DRD3: variants seen among roughly 807,000 people sequenced by gnomAD.
DRD3 encodes D(3) dopamine receptor.
In DRD3, 19 loss-of-function variants were observed where a neutral mutation model predicts 36.3. The observed-to-expected ratio is 0.52, with a 90% CI of 0.36 to 0.77. The LOEUF (loss-of-function observed/expected upper bound fraction) is 0.77, where lower values mean the gene tolerates loss of function less well. Among genes scored for constraint, DRD3 ranks in the 30% least tolerant of loss-of-function variants. The pLI is 0.00. For synonymous variants in DRD3, 195 were observed against 203.7 expected (o/e 0.96, Z 0.36); for missense variants, 465 against 505.3 (o/e 0.92, Z 0.77).
chr3:114,172,301 A>C (rs1004658449), intron 1 of DRD3, among the ~76,000 whole-genome samples: 5 of 152,242 alleles, frequency 3.3e-5, no homozygotes, highest in African/African-American at 9.6e-5. Context: ...ATTGGAGACA[A>C]ATCAGAGAGG....
At chr3:114,141,841 G>C (rs1414816391) in intron 4 of DRD3, among the ~76,000 whole-genome samples, 2 of 152,008 alleles carry the variant, frequency 1.3e-5, no homozygotes, top group African/African-American at 4.8e-5. Context: ...CACAAGGTCA[G>C]GAGTTCGAGA....
At chr3:114,153,772 C>T (rs1023658088) in intron 3 of DRD3, among the ~76,000 whole-genome samples, 2 of 152,148 alleles carry the variant, frequency 1.3e-5, no homozygotes, top group Non-Finnish European at 2.9e-5. Context: ...TCTTGCACCA[C>T]CCAGTTGTGT....
intron 5 of DRD3, among the ~76,000 whole-genome samples, chr3:114,138,186 A>AAAAG (rs1559982646): frequency 2.0e-5 from 3 of 150,856 alleles, no homozygotes; most frequent in African/African-American, 7.3e-5. Context: ...AAAAAAAAAA[A>AAAAG]AAAGATTATC....
At chr3:114,131,857 T>A (rs772503586) in intron 5 of DRD3, among the ~76,000 whole-genome samples, 6 of 152,182 alleles carry the variant, frequency 3.9e-5, no homozygotes, top group Non-Finnish European at 7.3e-5. Context: ...AAAATGACAA[T>A]GAGATAACAT....
intron 1 of DRD3, among the ~76,000 whole-genome samples, chr3:114,173,437 T>C (rs2107887548): frequency 6.6e-6 from 1 of 152,260 alleles, no homozygotes. Context: ...GGGAATTCTC[T>C]ACCCAACTGC....
intron 6 of DRD3, among the ~76,000 whole-genome samples, chr3:114,129,473 C>G (rs993101037): frequency 1.4e-4 from 22 of 152,218 alleles, no homozygotes; most frequent in African/African-American, 4.6e-4. Context: ...AATCAGTTTT[C>G]TAGTTGGGTC....
chr3:114,133,445 T>C (rs1223880343), intron 5 of DRD3, among the ~76,000 whole-genome samples: 1 of 152,028 alleles, frequency 6.6e-6, no homozygotes, highest in Non-Finnish European at 1.5e-5. Context: ...CGACTGAGGC[T>C]GCCTGATGGC....
intron 1 of DRD3, among the ~76,000 whole-genome samples, chr3:114,190,756 G>A (rs1008740981): frequency 3.3e-5 from 5 of 151,798 alleles, no homozygotes; most frequent in African/African-American, 1.2e-4. Flanking sequence ...TGTTTGGGAG[G>A]GTAGAACATG....
At chr3:114,185,912 G>A (rs182483264) in intron 1 of DRD3, among the ~76,000 whole-genome samples, 17 of 152,094 alleles carry the variant, frequency 1.1e-4, no homozygotes, top group African/African-American at 4.1e-4. Context: ...ATTTTTTGTT[G>A]AAAAACAGAC....
At chr3:114,145,984 AG>A (rs1196804234) in intron 4 of DRD3, among the ~76,000 whole-genome samples, 18 of 152,360 alleles carry the variant, frequency 1.2e-4, no homozygotes, top group African/African-American at 3.6e-4. Flanking sequence ...TTTACCAATG[AG>A]GAACTCAGAG....
intron 1 of DRD3, among the ~76,000 whole-genome samples, chr3:114,175,036 G>A (rs1007221052): frequency 2.0e-5 from 3 of 152,060 alleles, no homozygotes; most frequent in East Asian, 1.9e-4. Flanking sequence ...TGACAATTTG[G>A]GCTGAATAAT....
intron 1 of DRD3, among the ~76,000 whole-genome samples, chr3:114,190,122 A>G: frequency 6.6e-6 from 1 of 152,076 alleles, no homozygotes; most frequent in Non-Finnish European, 1.5e-5. Context: ...TACTTTAGAT[A>G]GAGCCAGTAT....
chr3:114,155,175 T>A (rs1024715319), intron 3 of DRD3, among the ~76,000 whole-genome samples: 1 of 152,264 alleles, frequency 6.6e-6, no homozygotes, highest in African/African-American at 2.4e-5. Context: ...ACCAAAGGTC[T>A]GCGTGAATGA....
upstream of DRD3, among the ~76,000 whole-genome samples, chr3:114,180,364 G>T (rs376536901): frequency 1.3e-5 from 2 of 152,004 alleles, no homozygotes; most frequent in South Asian, 2.1e-4. Flanking sequence ...GACTGTATTT[G>T]GATGTAAGAT....
At chr3:114,186,565 C>T (rs1233954428) in intron 1 of DRD3, among the ~76,000 whole-genome samples, 1 of 152,186 alleles carries the variant, frequency 6.6e-6, no homozygotes, top group Non-Finnish European at 1.5e-5. Context: ...CCATAGTTCC[C>T]CTCTATTTGG....
chr3:114,198,589 T>A (rs1268723599), intron 1 of DRD3, among the ~76,000 whole-genome samples: 1 of 152,052 alleles, frequency 6.6e-6, no homozygotes, highest in Non-Finnish European at 1.5e-5. Flanking sequence ...ATACATAGAT[T>A]ACCATGTTAT....
chr3:114,156,749 TTCTTTCTTTCTTTC>T (rs2077674716), intron 3 of DRD3, among the ~76,000 whole-genome samples: 3 of 100,138 alleles, frequency 3.0e-5, no homozygotes, highest in African/African-American at 1.2e-4. Flanking sequence ...TTCTTTTTCT[TTCTTTCTTTCTTTC>T]TTTCTTTCTT....
At chr3:114,190,706 C>T (rs1350121631) in intron 1 of DRD3, among the ~76,000 whole-genome samples, 1 of 64 alleles carries the variant, frequency 0.016, no homozygotes, top group Non-Finnish European at 0.042. Context: ...TGAGTTTCCA[C>T]TATGTCATGG....
intron 5 of DRD3, 101 bp from the exon 6 acceptor site, chr3:114,131,501 A>G: frequency 6.9e-7 from 1 of 1,457,652 alleles, no homozygotes; most frequent in Non-Finnish European, 9.1e-7. Context: ...GAAGACGGCA[A>G]CACAGTTGTG....
Sources: gnomAD v4.1 joint callset for allele counts (sites outside exome capture counted in the v4.1 genomes callset) on GRCh38, gnomAD v4.1.1 for gene constraint, MANE v1.5 for transcripts, NCBI Gene and HGNC (gene_info 2026-07-23, HGNC 2026-07-21) for gene names.